ARHGAP18: variants seen among roughly 807,000 people sequenced by gnomAD.
ARHGAP18 encodes the protein rho GTPase-activating protein 18.
Under a neutral mutation model 86.2 loss-of-function variants are expected in ARHGAP18, and 67 were observed. The ratio of observed to expected loss-of-function variants is 0.78; its 90% CI spans 0.64 to 0.95. The LOEUF is 0.95. ARHGAP18 is among the 40% of genes least tolerant of loss of function. The pLI is 0.00. For missense variants in ARHGAP18, 691 were observed against 780.4 expected, an observed-to-expected ratio of 0.89 and a Z score of 1.37; for synonymous variants, 283 against 280.4, an observed-to-expected ratio of 1.01 and a Z score of -0.09.
At chr6:129,653,157 G>T (rs1027612153) in intron 1 of ARHGAP18, among the ~76,000 whole-genome samples, 2 of 152,122 alleles carry the variant, frequency 1.3e-5, no homozygotes, top group Non-Finnish European at 2.9e-5. Context: ...GAGTAGGGGA[G>T]TATAAAACCA....
At position 129,578,318 on chromosome 6, in the gene ARHGAP18, T is replaced by A. The variant is rs1007259367; in HGVS notation, c.*195A>T. ...CTCACTCCAGAAATTTTTTTTCTAATAATAACATTAATAATAATTAATATA... is the reference window on the plus strand; with the variant it reads ...CTCACTCCAGAAATTTTTTTTCTAAAAATAACATTAATAATAATTAATATA... On this transcript the variant is annotated 3_prime_UTR_variant, in exon 15 of 15. Transcript: ENST00000368149. The A allele has an allele frequency of 1.3e-5, 3 of 238,128 alleles. No homozygotes were observed. Among genetic ancestry groups the A allele is most frequent in the African/African-American group, 7.8e-5 (3 of 38,680 alleles). 14.8% of individuals were successfully genotyped at this position (238,128 alleles called of 1,614,324 possible).
intron 10 of ARHGAP18, among the ~76,000 whole-genome samples, chr6:129,603,613 G>A (rs931138947): frequency 6.6e-6 from 1 of 152,066 alleles, no homozygotes; most frequent in Non-Finnish European, 1.5e-5. Context: ...TCTCAGCCTG[G>A]AAGGATTGAA....
In ARHGAP18 at chr6:129,625,089, G is replaced by T. The variant is rs1294588378; in HGVS notation, c.786+4264C>A. Among the ~76,000 whole-genome samples the T allele has an allele frequency of 8.8e-4, 83 of 94,156 alleles. 3 individuals carry two copies. The highest frequency in any genetic ancestry group is 2.8e-3 in the African/African-American group (67 of 23,598). 61.8% of individuals were successfully genotyped at this position (94,156 alleles called of 152,430 possible). On this transcript the variant is annotated intron_variant, in intron 5 of 14. Coordinates refer to ENST00000368149, the MANE Select transcript of ARHGAP18 (RefSeq NM_033515.3). ...TTTATATATAATATATATGATATAT[G>T]ATATATGATATATATTATATATTAT...
intron 12 of ARHGAP18, among the ~76,000 whole-genome samples, chr6:129,589,473 C>T (rs1023147519): frequency 1.3e-5 from 2 of 152,188 alleles, no homozygotes; most frequent in Non-Finnish European, 2.9e-5. Flanking sequence ...TTGTCCACAA[C>T]ACTATCAGCA....
At chr6:129,603,170 A>C (rs1462937787) in intron 10 of ARHGAP18, among the ~76,000 whole-genome samples, 3 of 151,952 alleles carry the variant, frequency 2.0e-5, no homozygotes, top group African/African-American at 7.3e-5. Context: ...CGAGTTCCAA[A>C]AGTCCAGTGT....
chr6:129,580,178 G>A (rs767483798), intron 13 of ARHGAP18, 47 bp from the exon 14 acceptor site: 1 of 1,531,574 alleles, frequency 6.5e-7, no homozygotes, highest in Admixed American at 1.7e-5. Flanking sequence ...CAAACAGCTT[G>A]CAAGTAAATC....
In ARHGAP18 at chr6:129,679,285, C is replaced by T. The variant is rs549572596; in HGVS notation, c.113+30739G>A. ...AAACTAGTGCCATCTGTCATCTGGACAGTTATTATTCATAGCAAAACTGTA... is the reference window on the plus strand; with the variant it reads ...AAACTAGTGCCATCTGTCATCTGGATAGTTATTATTCATAGCAAAACTGTA... On this transcript the variant is annotated intron_variant, in intron 1 of 14. Coordinates refer to ENST00000368149, the MANE Select transcript of ARHGAP18 (RefSeq NM_033515.3). 1.1e-4 allele frequency among the ~76,000 whole-genome samples: 16 copies of T among 152,280 alleles called. 1 individual carries two copies. The South Asian group carries it at 2.3e-3, about 22-fold the overall frequency.
chr6:129,626,290 G>A (rs956350393), intron 5 of ARHGAP18, among the ~76,000 whole-genome samples: 1 of 151,566 alleles, frequency 6.6e-6, no homozygotes, highest in African/African-American at 2.4e-5. Flanking sequence ...CAAAAATCAA[G>A]GTGGAAGAAA....
intron 11 of ARHGAP18, 69 bp from the exon 12 acceptor site, chr6:129,599,425 T>C (rs1788690518): frequency 7.9e-7 from 1 of 1,261,456 alleles, no homozygotes; most frequent in Non-Finnish European, 1.0e-6. Context: ...CAAAAAAAAA[T>C]TATATTTTTT....
At chr6:129,642,420 TACTAC>T (rs1562707304) in intron 1 of ARHGAP18, among the ~76,000 whole-genome samples, 1 of 152,102 alleles carries the variant, frequency 6.6e-6, no homozygotes, top group African/African-American at 2.4e-5. Context: ...GAGGAGCTAC[TACTAC>T]AGGTATATAC....
intron 1 of ARHGAP18, among the ~76,000 whole-genome samples, chr6:129,690,756 C>T (rs1774513930): frequency 6.6e-6 from 1 of 152,152 alleles, no homozygotes; most frequent in Non-Finnish European, 1.5e-5. Flanking sequence ...TAACGTATGT[C>T]ACAATCTAGA....
chr6:129,623,868 AATAT>A (rs1235683577), intron 5 of ARHGAP18, among the ~76,000 whole-genome samples: 1 of 152,226 alleles, frequency 6.6e-6, no homozygotes, highest in Non-Finnish European at 1.5e-5. Flanking sequence ...TATTTGATCT[AATAT>A]AAGTTCACGA....
intron 1 of ARHGAP18, among the ~76,000 whole-genome samples, chr6:129,708,582 G>A (rs932482478): frequency 6.6e-6 from 1 of 152,150 alleles, no homozygotes; most frequent in Non-Finnish European, 1.5e-5. Context: ...GAGAGGTTAG[G>A]ACTCAGTCCT....
chr6:129,649,553 CAAAAAAAAAAAA>C lies in ARHGAP18; in HGVS notation c.114-7547_114-7536del, dbSNP rs35700328. ...TGGCAACAGAGCAAGTCTCTGTCTC[CAAAAAAAAAAAA>C]AAAAAAAAAAAAAGTCACTTAACAT... On this transcript the variant is annotated intron_variant, in intron 1 of 14. Transcript: ENST00000368149. Among the ~76,000 whole-genome samples the C allele has an allele frequency of 8.0e-5, 4 of 49,994 alleles. No homozygotes were observed. In the Admixed American group the frequency reaches 1.1e-3, roughly 13 times the overall value. 32.8% of individuals were successfully genotyped at this position (49,994 alleles called of 152,430 possible). A position where few individuals can be genotyped will look rare whatever the true frequency, so the allele number is the denominator to read the frequency against.
Position 129,607,985 on chromosome 6 carries a change from T to G in ARHGAP18, c.1190A>C (p.His397Pro). 6.2e-7 allele frequency: 1 copy of G among 1,612,054 alleles called. No homozygotes were observed. The highest frequency in any genetic ancestry group is 8.5e-7 in the Non-Finnish European group (1 of 1,179,708). Residue 397 changes from histidine to proline, a missense_variant, in exon 9 of 15, where the codon CAT becomes CCT. His to Pro is a moderately conservative substitution (Grantham distance 77). Coordinates refer to ENST00000368149, the MANE Select transcript of ARHGAP18 (RefSeq NM_033515.3). ...GTFNWESVKQ[H>P]DAASLLKLFI... is the part of the protein sequence containing the mutation. ...GAGCTTCAGCAGGCTGGCGGCATCA[T>G]GCTGTTTGACACTTTCCCAATTAAA...
chr6:129,653,053 A>G (rs1773750037), intron 1 of ARHGAP18, among the ~76,000 whole-genome samples: 1 of 152,222 alleles, frequency 6.6e-6, no homozygotes, highest in Non-Finnish European at 1.5e-5. Context: ...ACACCATATT[A>G]TGAAAGAGAC....
intron 1 of ARHGAP18, among the ~76,000 whole-genome samples, chr6:129,692,010 C>G (rs112504782): frequency 1.3e-5 from 2 of 152,244 alleles, no homozygotes; most frequent in Admixed American, 1.3e-4. Flanking sequence ...AGCACTGACA[C>G]AGCCAGCACC....
intron 4 of ARHGAP18, among the ~76,000 whole-genome samples, chr6:129,632,232 C>T (rs752189190): frequency 1.1e-4 from 17 of 152,190 alleles, no homozygotes; most frequent in Non-Finnish European, 1.8e-4. Flanking sequence ...ATAGGGAATA[C>T]TCAGTGACTT....
chr6:129,612,469 A>G (rs1410674734), intron 7 of ARHGAP18, among the ~76,000 whole-genome samples: 1 of 152,212 alleles, frequency 6.6e-6, no homozygotes, highest in East Asian at 1.9e-4. Context: ...TCCCTGCTTT[A>G]TAAAAGACAG....
Sources: allele counts gnomAD v4.1 joint callset (sites outside exome capture counted in the v4.1 genomes callset), GRCh38; gene constraint gnomAD v4.1.1; transcripts MANE v1.5; gene names NCBI Gene and HGNC (gene_info 2026-07-23, HGNC 2026-07-21).